NIM1K: variants seen among roughly 807,000 people sequenced by gnomAD.
The protein encoded by NIM1K is serine/threonine-protein kinase NIM1.
In NIM1K, 35 loss-of-function variants were observed where a neutral mutation model predicts 37.1. That is an observed-to-expected ratio of 0.94 (90% confidence interval 0.72 to 1.25). The LOEUF is 1.25. NIM1K is among the 50% of genes most tolerant of loss of function. The pLI, the probability that NIM1K is intolerant of heterozygous loss-of-function variation, is 0.00. For missense variants in NIM1K, 564 were observed against 548.0 expected, an observed-to-expected ratio of 1.03 and a Z score of -0.29; for synonymous variants, 234 against 206.6, an observed-to-expected ratio of 1.13 and a Z score of -1.14.
chr5:43,263,550 CA>C lies in NIM1K; in HGVS notation c.293-13497del, dbSNP rs565104799. Among the ~76,000 whole-genome samples, 1,174 of 144,702 alleles carry C rather than the reference CA, an allele frequency of 8.1e-3. 9 individuals carry two copies. The highest frequency in any genetic ancestry group is 0.029 in the Middle Eastern group (8 of 278). The allele number at this position is 144,702 out of a possible 152,430, so 94.9% of individuals were successfully genotyped here. ...AGTCTATCAATTTTGTTGATCTTTT[CA>C]AAAAAAAAACAGCTCTTGGATTCAT... On this transcript the variant is annotated intron_variant, in intron 2 of 3. Coordinates refer to ENST00000326035, the MANE Select transcript of NIM1K (RefSeq NM_153361.4).
chr5:43,218,367 G>T (rs1561076828), intron 1 of NIM1K, among the ~76,000 whole-genome samples: 1 of 152,114 alleles, frequency 6.6e-6, no homozygotes, highest in Non-Finnish European at 1.5e-5. Context: ...TGCTATAAAG[G>T]AATACCTGAG....
intron 2 of NIM1K, among the ~76,000 whole-genome samples, chr5:43,251,157 A>G (rs116004924): frequency 2.0e-3 from 305 of 152,356 alleles, no homozygotes; most frequent in African/African-American, 6.9e-3. Context: ...ATGTTATTAC[A>G]ACAATAAAAA....
intron 1 of NIM1K, among the ~76,000 whole-genome samples, chr5:43,230,445 G>A (rs1362720297): frequency 1.3e-5 from 2 of 152,050 alleles, no homozygotes; most frequent in South Asian, 2.1e-4. Flanking sequence ...CACAGCCCAT[G>A]ACTGGAACTC....
intron 1 of NIM1K, among the ~76,000 whole-genome samples, chr5:43,235,208 G>T (rs1413806786): frequency 6.6e-6 from 1 of 152,116 alleles, no homozygotes; most frequent in Non-Finnish European, 1.5e-5. Context: ...AACAATAAAA[G>T]TTCAACTTAA....
intron 1 of NIM1K, among the ~76,000 whole-genome samples, chr5:43,237,926 T>C (rs1752644071): frequency 6.6e-6 from 1 of 152,162 alleles, no homozygotes; most frequent in South Asian, 2.1e-4. Context: ...CATAATAGTG[T>C]AACGGGAAAT....
intron 1 of NIM1K, among the ~76,000 whole-genome samples, chr5:43,221,368 T>TTGAACC (rs1752378267): frequency 6.7e-6 from 1 of 150,008 alleles, no homozygotes; most frequent in Admixed American, 6.7e-5. Context: ...TGAGAATTGC[T>TTGAACC]TGAACCTGGG....
chr5:43,222,964 C>A (rs546890504), intron 1 of NIM1K, among the ~76,000 whole-genome samples: 3 of 151,890 alleles, frequency 2.0e-5, no homozygotes, highest in Admixed American at 2.0e-4. Context: ...CACGGCGAAA[C>A]CCCATCTCTA....
chr5:43,198,207 C>CTTCTTTCTT (rs1281355308), intron 1 of NIM1K, among the ~76,000 whole-genome samples: 8 of 48,904 alleles, frequency 1.6e-4, no homozygotes, highest in African/African-American at 5.5e-4. Context: ...TTCTTTCTTT[C>CTTCTTTCTT]TCTTTCTTTC....
intron 1 of NIM1K, among the ~76,000 whole-genome samples, chr5:43,197,019 C>T (rs148145681): frequency 6.7e-6 from 1 of 148,556 alleles, no homozygotes; most frequent in East Asian, 2.0e-4. Context: ...CTCCTGGGCT[C>T]AAGCAATCCT....
rs1447535410 is a variant in NIM1K at position 43,245,761 on chromosome 5, G to C, written c.-15G>C. ...TGCCTCTTCGCTGAGATGGAGACGT[G>C]AGCCCCCGTGGACGATGACTGCAGT... On this transcript the variant is annotated 5_prime_UTR_variant, in exon 2 of 4. An upstream open reading frame in the 5' UTR loses its in-frame stop. Coordinates refer to ENST00000326035, the MANE Select transcript of NIM1K (RefSeq NM_153361.4). 1.3e-6 allele frequency: 2 copies of C among 1,558,710 alleles called. No individual in the cohort carries two copies. The highest frequency in any genetic ancestry group is 1.7e-6 in the Non-Finnish European group (2 of 1,148,692).
chr5:43,201,205 C>T (rs1297444084), intron 1 of NIM1K, among the ~76,000 whole-genome samples: 5 of 151,370 alleles, frequency 3.3e-5, no homozygotes, highest in African/African-American at 4.9e-5. Context: ...GTCATGAGAT[C>T]GAGACCATTC....
chr5:43,256,055 G>A (rs1752941194), intron 2 of NIM1K, among the ~76,000 whole-genome samples: 1 of 151,988 alleles, frequency 6.6e-6, no homozygotes, highest in South Asian at 2.1e-4. Flanking sequence ...GCTTTTCCTG[G>A]GATTTTACAG....
chr5:43,212,211 G>T (rs1752213825), intron 1 of NIM1K, among the ~76,000 whole-genome samples: 1 of 152,010 alleles, frequency 6.6e-6, no homozygotes, highest in Non-Finnish European at 1.5e-5. Context: ...AACAGGATTG[G>T]GTGAGGGGAA....
chr5:43,211,420 A>G lies in NIM1K; in HGVS notation c.-695+19009A>G, dbSNP rs540165673. 3.3e-5 allele frequency among the ~76,000 whole-genome samples: 5 copies of G among 152,338 alleles called. No individual in the cohort carries two copies. In the South Asian group the frequency reaches 1.0e-3, roughly 32 times the overall value. ...CCTTGGGTCTGCATCTTAGGCAGATAGGAACTTCAGCTTTCCCAAAGAAGT... is the reference window on the plus strand; with the variant it reads ...CCTTGGGTCTGCATCTTAGGCAGATGGGAACTTCAGCTTTCCCAAAGAAGT... On this transcript the variant is annotated intron_variant, in intron 1 of 3. Transcript: ENST00000326035.
chr5:43,277,811 T>TGA (rs1435200841), intron 3 of NIM1K, among the ~76,000 whole-genome samples: 1 of 146,902 alleles, frequency 6.8e-6, no homozygotes, highest in African/African-American at 2.6e-5. Flanking sequence ...TGTGTGTGTG[T>TGA]GTGTGAGAGA....
chr5:43,265,443 C>G (rs1753129616), intron 2 of NIM1K, among the ~76,000 whole-genome samples: 1 of 152,162 alleles, frequency 6.6e-6, no homozygotes, highest in Admixed American at 6.5e-5. Context: ...TCACATAGTT[C>G]TTGTGCCATG....
intron 1 of NIM1K, among the ~76,000 whole-genome samples, chr5:43,244,864 C>T (rs1031013276): frequency 6.6e-5 from 10 of 152,072 alleles, no homozygotes; most frequent in South Asian, 2.1e-4. Context: ...GAAATATGTA[C>T]GGACCTTAGG....
At chr5:43,256,131 C>T (rs1037853013) in intron 2 of NIM1K, among the ~76,000 whole-genome samples, 5 of 152,090 alleles carry the variant, frequency 3.3e-5, no homozygotes, top group Non-Finnish European at 7.3e-5. Context: ...TTCACAGGAG[C>T]CATCAGAGGG....
intron 2 of NIM1K, among the ~76,000 whole-genome samples, chr5:43,275,343 G>A (rs116774503): frequency 2.3e-3 from 348 of 152,216 alleles, no homozygotes; most frequent in African/African-American, 7.8e-3. Flanking sequence ...CTCTTGCTGG[G>A]TACTTAAGCT....
Sources: gnomAD v4.1 joint callset for allele counts (sites outside exome capture counted in the v4.1 genomes callset) on GRCh38, gnomAD v4.1.1 for gene constraint, MANE v1.5 for transcripts, NCBI Gene and HGNC (gene_info 2026-07-23, HGNC 2026-07-21) for gene names.